Variants in RAB40B observed in about 807,000 individuals in gnomAD.
RAB40B encodes the protein RAB40B, member RAS oncogene family.
A neutral mutation model predicts 24.0 loss-of-function variants in RAB40B; 21 were observed. That is an observed-to-expected ratio of 0.88 (90% CI 0.62 to 1.26). The LOEUF is 1.26. RAB40B is among the 50% of genes most tolerant of loss of function. The pLI, the probability that RAB40B is intolerant of heterozygous loss-of-function variation, is 0.00. For missense variants in RAB40B, 348 were observed against 390.5 expected, an observed-to-expected ratio of 0.89 and a Z score of 0.92; for synonymous variants, 167 against 169.8, an observed-to-expected ratio of 0.98 and a Z score of 0.13.
Position 82,658,551 on chromosome 17 carries a change from C to T in RAB40B, c.505G>A (p.Glu169Lys). Residue 169 changes from glutamate to lysine, a missense_variant, in exon 5 of 6, where the codon GAG becomes AAG. Physicochemically the swap from Glu to Lys is moderately conservative, Grantham distance 56. Around this residue, in one of 3 missense-constraint regions of RAB40B, gnomAD observed 126 missense variants for 181.0 expected, o/e 0.70. Transcript: ENST00000571995. ...CNFNITESFT[E>K]LARIVLLRHG... ...CGCAGCAGCACGATCCTGGCCAGCT[C>T]CGTGAACGACTCTGTGATGTTGAAA... 1 of 1,613,348 alleles carries T rather than the reference C, an allele frequency of 6.2e-7. No homozygotes were observed. Among genetic ancestry groups the T allele is most frequent in the Non-Finnish European group, 8.5e-7 (1 of 1,179,980 alleles).
chr17:82,676,916 G>A (rs1202602085), intron 1 of RAB40B, among the ~76,000 whole-genome samples: 3 of 150,092 alleles, frequency 2.0e-5, no homozygotes, highest in Non-Finnish European at 3.0e-5. Flanking sequence ...GTGAGCTACC[G>A]CGCCCGGCCG....
At chr17:82,681,405 T>A (rs2046448393) in intron 1 of RAB40B, among the ~76,000 whole-genome samples, 1 of 152,062 alleles carries the variant, frequency 6.6e-6, no homozygotes, top group Non-Finnish European at 1.5e-5. Flanking sequence ...CAGGAAGCAG[T>A]AGTTAACCAG....
At chr17:82,691,840 C>A (rs1225983119) in intron 1 of RAB40B, among the ~76,000 whole-genome samples, 3 of 152,202 alleles carry the variant, frequency 2.0e-5, no homozygotes, top group Non-Finnish European at 4.4e-5. Flanking sequence ...CTTCCTTCTA[C>A]CCCTGCCTGG....
rs201162076 is a variant in RAB40B, at chr17:82,659,662, G to A, written c.265-5C>T. 8.7e-6 allele frequency: 14 copies of A among 1,613,778 alleles called. No homozygotes were observed. The highest frequency in any genetic ancestry group is 1.1e-5 in the Non-Finnish European group (13 of 1,179,780). Reference sequence around the variant, plus strand: ...GTCATAGACCAGGATCACACCCTGGGGGAGAGGTCACAGGCTCAGCACGCA... The same window carrying A: ...GTCATAGACCAGGATCACACCCTGGAGGAGAGGTCACAGGCTCAGCACGCA... On this transcript the variant is annotated splice_region_variant and splice_polypyrimidine_tract_variant and intron_variant, in intron 3 of 5. Coordinates refer to ENST00000571995, the MANE Select transcript of RAB40B (RefSeq NM_006822.3).
chr17:82,689,352 G>A lies in RAB40B; in HGVS notation c.142+9103C>T, dbSNP rs867256805. ...GGACAGGCTGGTGACAGGGGACTCAGGGGCGATGGGTGGGCCTCCAGCCCC... is the reference window on the plus strand; with the variant it reads ...GGACAGGCTGGTGACAGGGGACTCAAGGGCGATGGGTGGGCCTCCAGCCCC... On this transcript the variant is annotated intron_variant, in intron 1 of 5. Transcript: ENST00000571995. Among the ~76,000 whole-genome samples, 53 of 152,356 alleles carry A rather than the reference G, an allele frequency of 3.5e-4. 1 individual carries two copies. The highest frequency in any genetic ancestry group is 1.3e-3 in the African/African-American group (52 of 41,592).
intron 1 of RAB40B, among the ~76,000 whole-genome samples, chr17:82,674,679 C>T (rs9890713): frequency 0.74 from 111,916 of 150,922 alleles, 41,986 homozygotes; most frequent in East Asian, 0.85. Context: ...AAAAAGCAAC[C>T]TAAAACACCT....
intron 1 of RAB40B, among the ~76,000 whole-genome samples, chr17:82,678,320 A>G (rs2046415071): frequency 6.6e-6 from 1 of 152,224 alleles, no homozygotes; most frequent in South Asian, 2.1e-4. Flanking sequence ...CTGTCCATCA[A>G]AATATAATAA....
chr17:82,657,988 C>A lies in RAB40B; in HGVS notation c.712G>T (p.Gly238Cys). Residue 238 changes from glycine (G) to cysteine (C), a missense_variant, in exon 6 of 6, where the codon GGC becomes TGC. Coordinates refer to ENST00000571995, the MANE Select transcript of RAB40B (RefSeq NM_006822.3). Reference sequence around the variant, plus strand: ...CTGGTGGTGAGGGAGTAGGAACCGCCGTGCATCATCCTGGCATTCAGGCCG... The same window carrying A: ...CTGGTGGTGAGGGAGTAGGAACCGCAGTGCATCATCCTGGCATTCAGGCCG... Reference protein sequence around the residue: ...ANGLNARMMHGGSYSLTTSST... With the variant: ...ANGLNARMMHCGSYSLTTSST... 1 of 1,614,160 alleles carries A rather than the reference C, an allele frequency of 6.2e-7. No homozygotes were observed. Among genetic ancestry groups the A allele is most frequent in the Non-Finnish European group, 8.5e-7 (1 of 1,180,032 alleles).
rs545973712 is a variant in RAB40B, at chr17:82,698,645, C to G, written c.-49G>C. ...CATGCCCGGCCTGCGGGGCTGAGCG[C>G]AGAGGCGGCGGCCCGGCCCCGAGAG... On this transcript the variant is annotated 5_prime_UTR_variant, in exon 1 of 6. Coordinates refer to ENST00000571995, the MANE Select transcript of RAB40B (RefSeq NM_006822.3). 1.1e-3 allele frequency: 1,321 copies of G among 1,248,834 alleles called. 9 individuals are homozygous for G. The South Asian group carries it at 0.011, about 10-fold the overall frequency. The allele number at this position is 1,248,834 out of a possible 1,614,324, so 77.4% of individuals were successfully genotyped here. A position where few individuals can be genotyped will look rare whatever the true frequency, so the allele number is the denominator to read the frequency against.
chr17:82,680,195 C>T (rs1479800236), intron 1 of RAB40B, among the ~76,000 whole-genome samples: 1 of 152,168 alleles, frequency 6.6e-6, no homozygotes, highest in Non-Finnish European at 1.5e-5. Context: ...ACCTCTGTCA[C>T]GGAGGTCTCA....
At position 82,664,570 on chromosome 17, in the gene RAB40B, A is replaced by G; in HGVS notation, c.143-14T>C. Reference sequence around the variant, plus strand: ...TGTAGTCGATGCCTGCGGAAGGGTTAGAGACGGCTTAGGCCTGAGGCTGCA... The same window carrying G: ...TGTAGTCGATGCCTGCGGAAGGGTTGGAGACGGCTTAGGCCTGAGGCTGCA... On this transcript the variant is annotated splice_polypyrimidine_tract_variant and intron_variant, in intron 1 of 5. Transcript: ENST00000571995. 6.2e-7 allele frequency: 1 copy of G among 1,613,226 alleles called. No homozygotes were observed. The highest frequency in any genetic ancestry group is 8.5e-7 in the Non-Finnish European group (1 of 1,179,348).
Position 82,667,362 on chromosome 17 carries a change from C to G in RAB40B, c.143-2806G>C, listed in dbSNP as rs963913687. On this transcript the variant is annotated intron_variant, in intron 1 of 5. Transcript: ENST00000571995. This position sits in a 1 kb window ranked among gnomAD's most constrained non-coding sequence, Gnocchi z 4.3. Reference sequence around the variant, plus strand: ...GGCAGGCCTGGGCGTTGCAGCAGCTCTGGGCCTCTGTCCTCCACTTTCCAC... The same window carrying G: ...GGCAGGCCTGGGCGTTGCAGCAGCTGTGGGCCTCTGTCCTCCACTTTCCAC... Among the ~76,000 whole-genome samples, 12 of 152,242 alleles carry G rather than the reference C, an allele frequency of 7.9e-5. No homozygotes were observed. The South Asian group carries it at 2.5e-3, about 31-fold the overall frequency.
Position 82,657,730 on chromosome 17 carries a change from C to T in RAB40B, c.*133G>A, listed in dbSNP as rs756265057. On this transcript the variant is annotated 3_prime_UTR_variant, in exon 6 of 6. Transcript: ENST00000571995. ...GACGGGGTAGTGTGTTTCCATCACA[C>T]GGAAGGCGTCGCACACATTCGCAAG... 23 of 1,082,684 alleles carry T rather than the reference C, an allele frequency of 2.1e-5. No individual in the cohort carries two copies. The highest frequency in any genetic ancestry group is 3.4e-5 in the Admixed American group (2 of 59,224). The allele number at this position is 1,082,684 out of a possible 1,614,324, so 67.1% of individuals were successfully genotyped here.
In RAB40B at chr17:82,675,718, T is replaced by C. The variant is rs2248357; in HGVS notation, c.143-11162A>G. On this transcript the variant is annotated intron_variant, in intron 1 of 5. Coordinates refer to ENST00000571995, the MANE Select transcript of RAB40B (RefSeq NM_006822.3). The surrounding 1 kb of genome is among the most constrained non-coding windows in gnomAD (Gnocchi z 4.5). The stretch of plus-strand genomic sequence containing the variant: ...CTGGAGGGGCGAGGGAGCTCTTGGA[T>C]GCTTCACTCATCCCATCCACAAAGC... 0.54 allele frequency among the ~76,000 whole-genome samples: 82,640 copies of C among 151,748 alleles called. 23,004 individuals are homozygous for C. The highest frequency in any genetic ancestry group is 0.67 in the Admixed American group (10,268 of 15,238).
intron 1 of RAB40B, among the ~76,000 whole-genome samples, chr17:82,689,113 C>G (rs2046530553): frequency 1.3e-5 from 2 of 152,244 alleles, no homozygotes; most frequent in African/African-American, 4.8e-5. Context: ...GTGAACAGTA[C>G]CCACAGCCAG....
chr17:82,659,695 G>A, intron 3 of RAB40B, 38 bp from the exon 4 acceptor site: 1 of 1,566,112 alleles, frequency 6.4e-7, no homozygotes. Flanking sequence ...GCAGAACACA[G>A]ATGCAGGCAC....
At chr17:82,676,504 G>C (rs778566656) in intron 1 of RAB40B, among the ~76,000 whole-genome samples, 1 of 143,338 alleles carries the variant, frequency 7.0e-6, no homozygotes, top group Admixed American at 7.3e-5. Context: ...ATTCCGTGGC[G>C]AGTCTCTCGG....
intron 1 of RAB40B, among the ~76,000 whole-genome samples, chr17:82,670,843 C>T (rs2046323125): frequency 6.6e-6 from 1 of 151,976 alleles, no homozygotes. Context: ...TCCTGATGGT[C>T]TTTTTAAGCG....
At chr17:82,685,241 A>AGGGAGGG (rs2046486751) in intron 1 of RAB40B, among the ~76,000 whole-genome samples, 1 of 26,050 alleles carries the variant, frequency 3.8e-5, no homozygotes, top group Admixed American at 4.8e-4. Context: ...AGGACGGAGG[A>AGGGAGGG]GGGAGGGGGA....
Sources: gnomAD v4.1 joint callset for allele counts (sites outside exome capture counted in the v4.1 genomes callset) on GRCh38, gnomAD v4.1.1 for gene constraint, gnomAD v4.1.1 regional missense constraint, Gnocchi (gnomAD v3.1) non-coding constraint, MANE v1.5 for transcripts, NCBI Gene and HGNC (gene_info 2026-07-23, HGNC 2026-07-21) for gene names.